Variants in CEP152 observed in about 807,000 individuals in gnomAD.
CEP152 encodes centrosomal protein 152.
In CEP152, 132 loss-of-function variants were observed where a neutral mutation model predicts 188.9. The ratio of observed to expected loss-of-function variants is 0.70; its 90% CI spans 0.61 to 0.81. The LOEUF (loss-of-function observed/expected upper bound fraction) is 0.81, where lower values mean the gene tolerates loss of function less well. Among genes scored for constraint, CEP152 ranks in the 30% least tolerant of loss-of-function variants. CEP152 has a pLI of 0.00. For missense variants in CEP152, 1,914 were observed against 1,969.8 expected (o/e 0.97, Z 0.54); for synonymous variants, 649 against 666.6 (o/e 0.97, Z 0.41).
intron 13 of CEP152, among the ~76,000 whole-genome samples, chr15:48,770,346 G>C (rs778824600): frequency 1.8e-4 from 27 of 151,968 alleles, no homozygotes; most frequent in Non-Finnish European, 8.8e-5. Flanking sequence ...AGAGTAGCTG[G>C]ACAAAAAGAA....
At position 48,738,364 on chromosome 15, in the gene CEP152, T is replaced by G; in HGVS notation, c.5018A>C (p.Lys1673Thr). ...TGAAGATGGTAATGTACTGCTCAGT[T>G]TTTTGAAATCTGACTTTAATCTATC... is the stretch of plus-strand genomic sequence containing the variant. The part of the protein sequence containing the change: ...KADRLKSDFK[K>T]LSSTLPSSVC... The change falls in exon 27 of 27, where the codon AAA (lysine) becomes ACA (threonine). Residue 1673 changes from lysine to threonine, a missense_variant. Lys to Thr is a moderately conservative substitution (Grantham distance 78). Transcript: ENST00000380950. 2 of 1,614,150 alleles carry G rather than the reference T, an allele frequency of 1.2e-6. No individual in the cohort carries two copies. Among genetic ancestry groups the G allele is most frequent in the South Asian group, 2.2e-5 (2 of 91,076 alleles).
At chr15:48,757,438 T>C (rs569368679) in intron 19 of CEP152, among the ~76,000 whole-genome samples, 5 of 152,220 alleles carry the variant, frequency 3.3e-5, no homozygotes, top group South Asian at 2.1e-4. Flanking sequence ...ATAAATCTTA[T>C]GTAGTTATTA....
intron 1 of CEP152, among the ~76,000 whole-genome samples, chr15:48,809,959 C>T (rs1285371427): frequency 6.6e-6 from 1 of 152,216 alleles, no homozygotes; most frequent in Non-Finnish European, 1.5e-5. Flanking sequence ...CAAGCCTGTT[C>T]CCCCATGGAG....
chr15:48,803,955 C>T (rs1051983099), intron 2 of CEP152, among the ~76,000 whole-genome samples: 6 of 152,250 alleles, frequency 3.9e-5, no homozygotes, highest in African/African-American at 1.4e-4. Context: ...AGAAAATCCT[C>T]ATTCCCATCC....
intron 9 of CEP152, among the ~76,000 whole-genome samples, chr15:48,785,354 A>G (rs1305410737): frequency 3.3e-5 from 5 of 152,166 alleles, no homozygotes; most frequent in African/African-American, 9.7e-5. Context: ...GCTTCTGGAA[A>G]CTAGTCCATG....
At chr15:48,776,367 A>G (rs1895904115) in intron 12 of CEP152, among the ~76,000 whole-genome samples, 1 of 152,160 alleles carries the variant, frequency 6.6e-6, no homozygotes, top group Non-Finnish European at 1.5e-5. Context: ...AGGAAAAGTG[A>G]TAACTCTCAA....
chr15:48,776,466 C>T (rs1895913093), intron 12 of CEP152, among the ~76,000 whole-genome samples: 1 of 151,988 alleles, frequency 6.6e-6, no homozygotes. Context: ...TGCATCAAAG[C>T]CCTCAAATAA....
chr15:48,791,675 C>T (rs1286747102), intron 7 of CEP152, among the ~76,000 whole-genome samples: 1 of 152,012 alleles, frequency 6.6e-6, no homozygotes, highest in East Asian at 1.9e-4. Flanking sequence ...TGCCACCACT[C>T]CCAGATAATT....
chr15:48,757,499 A>T (rs1894363121), intron 19 of CEP152, among the ~76,000 whole-genome samples: 1 of 152,188 alleles, frequency 6.6e-6, no homozygotes, highest in Non-Finnish European at 1.5e-5. Context: ...TGGCACTAAC[A>T]TCTTCACCTA....
chr15:48,774,534 C>T (rs912852222), intron 12 of CEP152, among the ~76,000 whole-genome samples: 7 of 152,184 alleles, frequency 4.6e-5, no homozygotes, highest in African/African-American at 1.4e-4. Context: ...AAGCCTCAGT[C>T]TAAGCCCTGA....
Position 48,744,910 on chromosome 15 carries a change from A to G in CEP152, c.3717T>C (p.Cys1239=). 6.2e-7 allele frequency: 1 copy of G among 1,610,170 alleles called. No homozygotes were observed. Among genetic ancestry groups the G allele is most frequent in the East Asian group, 2.2e-5 (1 of 44,690 alleles). ...TAAAAGTATACCTTGGTGGTGTTTT[A>G]CAAAGTGTTTGCAATTCTTCCAATT... ...KNKLEELQTL[C]KTPPRSLSAG... is the part of the protein sequence containing the mutation. Residue 1239 remains cysteine, a synonymous_variant, in exon 23 of 27, where the codon TGT becomes TGC. Coordinates refer to ENST00000380950, the MANE Select transcript of CEP152 (RefSeq NM_001194998.2).
intron 17 of CEP152, among the ~76,000 whole-genome samples, chr15:48,766,179 A>G (rs1205769581): frequency 6.6e-6 from 1 of 152,200 alleles, no homozygotes; most frequent in Admixed American, 6.5e-5. Context: ...AATAATCAAG[A>G]TATTGAATGA....
chr15:48,783,906 C>A (rs1896444774), intron 10 of CEP152, 67 bp downstream of exon 10: 1 of 1,541,072 alleles, frequency 6.5e-7, no homozygotes, highest in Non-Finnish European at 9.0e-7. Context: ...AGTCATGGAT[C>A]CTACTACATT....
At chr15:48,749,937 G>A (rs62009360) in intron 21 of CEP152, among the ~76,000 whole-genome samples, 3 of 151,892 alleles carry the variant, frequency 2.0e-5, no homozygotes, top group Non-Finnish European at 4.4e-5. Context: ...CTGTACTAAG[G>A]TTAAACAAGA....
In CEP152 at chr15:48,739,290, T is replaced by A; in HGVS notation, c.4094-2A>T. ...GCATCTCTGAAGTTAGGGGCAGTGC[T>A]ATTATGTGCAAGGAAACACGAAATT... On this transcript the variant is annotated splice_acceptor_variant, in intron 26 of 26. Coordinates refer to ENST00000380950, the MANE Select transcript of CEP152 (RefSeq NM_001194998.2). LOFTEE classifies it high-confidence loss of function. The A allele has an allele frequency of 6.2e-7, 1 of 1,609,970 alleles. No individual in the cohort carries two copies. Among genetic ancestry groups the A allele is most frequent in the Non-Finnish European group, 8.5e-7 (1 of 1,179,054 alleles).
intron 12 of CEP152, among the ~76,000 whole-genome samples, chr15:48,777,198 T>A (rs150063395): frequency 7.9e-5 from 12 of 151,966 alleles, no homozygotes; most frequent in Admixed American, 7.9e-4. Context: ...GGCATGTAAA[T>A]AAACCCTGGA....
downstream of CEP152, among the ~76,000 whole-genome samples, chr15:48,734,635 C>G (rs1014116719): frequency 1.3e-5 from 2 of 148,660 alleles, no homozygotes; most frequent in African/African-American, 4.9e-5. Context: ...TCCAGAGACT[C>G]ACTTCAAATT....
Position 48,793,446 on chromosome 15 carries a change from A to G in CEP152, c.707T>C (p.Met236Thr), listed in dbSNP as rs1324931033. The G allele has an allele frequency of 1.2e-6, 2 of 1,613,502 alleles. No homozygotes were observed. The highest frequency in any genetic ancestry group is 2.2e-5 in the East Asian group (1 of 44,814). The change falls in exon 7 of 27, where the codon ATG becomes ACG. Residue 236 changes from methionine to threonine, a missense_variant. Transcript: ENST00000380950. ...AAGAACCTGAAGTTGAATAATCTGC[A>G]TATTTTCTGCAGAGTCTGGGAATTA... ...LGANENSAEN[M>T]QIIQLQVLNK...
chr15:48,734,907 T>C (rs1015692185), downstream of CEP152, among the ~76,000 whole-genome samples: 2 of 152,034 alleles, frequency 1.3e-5, no homozygotes, highest in Admixed American at 1.3e-4. Context: ...AAGAAAAAAG[T>C]TTAACAATTA....
Sources: allele counts gnomAD v4.1 joint callset (sites outside exome capture counted in the v4.1 genomes callset), GRCh38; gene constraint gnomAD v4.1.1; transcripts MANE v1.5; gene names NCBI Gene and HGNC (gene_info 2026-07-23, HGNC 2026-07-21).